PRKCA: variants seen among roughly 807,000 people sequenced by gnomAD.
PRKCA encodes protein kinase C alpha, also known as protein kinase C alpha type.
PRKCA carries 27 observed loss-of-function variants against 87.0 expected under a neutral mutation model. The ratio of observed to expected loss-of-function variants is 0.31; its 90% CI spans 0.23 to 0.43. The LOEUF is 0.43. Ranked by LOEUF, PRKCA falls within the 20% of genes least tolerant of loss-of-function variation. The probability of loss-of-function intolerance (pLI) is 1.00; values close to 1 mark genes in which losing one functional copy is unlikely to be tolerated. For synonymous variants in PRKCA, 329 were observed against 311.1 expected, an observed-to-expected ratio of 1.06 and a Z score of -0.61; for missense variants, 518 against 852.3, an observed-to-expected ratio of 0.61 and a Z score of 4.88.
At chr17:66,338,016 C>T (rs1268382655) in intron 2 of PRKCA, among the ~76,000 whole-genome samples, 1 of 150,656 alleles carries the variant, frequency 6.6e-6, no homozygotes, top group Non-Finnish European at 1.5e-5. Flanking sequence ...CCCTCCGCCC[C>T]CCTTAATTTC....
intron 2 of PRKCA, among the ~76,000 whole-genome samples, chr17:66,453,884 A>G (rs1390804359): frequency 6.6e-6 from 1 of 152,238 alleles, no homozygotes; most frequent in East Asian, 1.9e-4. Flanking sequence ...CAGATCCAAT[A>G]GCAGGAGCAT....
chr17:66,804,177 C>A lies in PRKCA; in HGVS notation c.*140C>A. The A allele has an allele frequency of 1.7e-6, 2 of 1,173,056 alleles. No homozygotes were observed. Among genetic ancestry groups the A allele is most frequent in the Non-Finnish European group, 2.3e-6 (2 of 859,536 alleles). The allele number at this position is 1,173,056 out of a possible 1,614,324, so 72.7% of individuals were successfully genotyped here. ...GCCTGAAAATTGTAGGGTTATTAGT[C>A]CAAATGTGATCAACTGTTCAGGGTC... On this transcript the variant is annotated 3_prime_UTR_variant, in exon 17 of 17. Coordinates refer to ENST00000413366, the MANE Select transcript of PRKCA (RefSeq NM_002737.3).
At chr17:66,605,403 C>T (rs548959636) in intron 3 of PRKCA, among the ~76,000 whole-genome samples, 1 of 152,236 alleles carries the variant, frequency 6.6e-6, no homozygotes, top group East Asian at 1.9e-4. Context: ...TTATCAAAAT[C>T]ACAATGACAT....
intron 3 of PRKCA, among the ~76,000 whole-genome samples, chr17:66,581,025 C>T (rs1234462501): frequency 2.6e-5 from 4 of 152,046 alleles, no homozygotes; most frequent in African/African-American, 9.7e-5. Context: ...GGAAGGTTAC[C>T]CATCCGGGGT....
intron 3 of PRKCA, among the ~76,000 whole-genome samples, chr17:66,571,955 T>C (rs1476609244): frequency 6.6e-6 from 1 of 152,200 alleles, no homozygotes; most frequent in Admixed American, 6.5e-5. Flanking sequence ...TGACATTCCA[T>C]CCAGTGTGCC....
At chr17:66,612,076 TAA>T (rs35346924) in intron 3 of PRKCA, among the ~76,000 whole-genome samples, 56,808 of 145,888 alleles carry the variant, frequency 0.39, 10,909 homozygotes, top group East Asian at 0.6. Context: ...ACTTTGTGAG[TAA>T]AAAAAAAAAA....
chr17:66,703,240 A>G, intron 8 of PRKCA: 1 of 152,226 alleles, frequency 6.6e-6, no homozygotes, highest in Admixed American at 6.5e-5. Flanking sequence ...TAGCTGTACA[A>G]AAATATTTTT....
chr17:66,532,957 T>C (rs533177473), intron 3 of PRKCA, among the ~76,000 whole-genome samples: 1 of 152,298 alleles, frequency 6.6e-6, no homozygotes, highest in East Asian at 1.9e-4. Flanking sequence ...AACAGACACG[T>C]TTGCTTCCCT....
intron 2 of PRKCA, among the ~76,000 whole-genome samples, chr17:66,360,595 G>C (rs1375776383): frequency 6.6e-6 from 1 of 152,178 alleles, no homozygotes; most frequent in Non-Finnish European, 1.5e-5. Context: ...GCTGGGAACA[G>C]GGATACTAAT....
At chr17:66,699,509 T>C (rs1447587856) in intron 8 of PRKCA, among the ~76,000 whole-genome samples, 1 of 152,188 alleles carries the variant, frequency 6.6e-6, no homozygotes, top group Non-Finnish European at 1.5e-5. Context: ...AGGCCAATAA[T>C]GAGTAAGGAG....
At chr17:66,323,759 G>A (rs777719640) in intron 2 of PRKCA, among the ~76,000 whole-genome samples, 12 of 152,122 alleles carry the variant, frequency 7.9e-5, no homozygotes, top group South Asian at 4.1e-4. Context: ...GGCCAACATG[G>A]TGAAACCCCA....
In PRKCA at chr17:66,431,285, A is replaced by G. The variant is rs569992998; in HGVS notation, c.206-64916A>G. ...ACGTGCTTTATGTTGCGCAATATTC[A>G]TATTTATTAGGGCTATTTAATAGCG... is the stretch of plus-strand genomic sequence containing the variant. On this transcript the variant is annotated intron_variant, in intron 2 of 16. Transcript: ENST00000413366. Among the ~76,000 whole-genome samples, 5 of 152,292 alleles carry G rather than the reference A, an allele frequency of 3.3e-5. No homozygotes were observed. In the East Asian group the frequency reaches 9.6e-4, roughly 29 times the overall value.
chr17:66,306,060 A>G (rs1483331051), intron 1 of PRKCA, 36 bp from the exon 2 acceptor site: 3 of 1,604,754 alleles, frequency 1.9e-6, no homozygotes, highest in African/African-American at 2.7e-5. Context: ...AACAGAAAAT[A>G]TGTTAAGATA....
intron 2 of PRKCA, among the ~76,000 whole-genome samples, chr17:66,322,636 ATTG>A (rs1473227190): frequency 8.2e-6 from 1 of 122,218 alleles, no homozygotes; most frequent in Admixed American, 7.8e-5. Flanking sequence ...CTAATTTTTA[ATTG>A]TTTTTTTTTT....
At chr17:66,577,160 G>A (rs182831660) in intron 3 of PRKCA, among the ~76,000 whole-genome samples, 92 of 152,244 alleles carry the variant, frequency 6.0e-4, no homozygotes, top group Non-Finnish European at 1.1e-3. Flanking sequence ...ATGAGCCACC[G>A]TGCCTGGCCC....
At chr17:66,612,133 C>T (rs1249135100) in intron 3 of PRKCA, among the ~76,000 whole-genome samples, 1 of 151,412 alleles carries the variant, frequency 6.6e-6, no homozygotes, top group Non-Finnish European at 1.5e-5. Flanking sequence ...GTAATCCCAG[C>T]ACTTTGAGAG....
At chr17:66,765,454 A>ATATATG (rs1218360664) in intron 13 of PRKCA, among the ~76,000 whole-genome samples, 1 of 130,090 alleles carries the variant, frequency 7.7e-6, no homozygotes, top group Non-Finnish European at 1.6e-5. Context: ...ATATATATAT[A>ATATATG]TCCATATATA....
In PRKCA at chr17:66,687,129, T is replaced by G. The variant is rs778898336; in HGVS notation, c.548T>G (p.Leu183Arg). ...LHVTVRDAKN[L>R]IPMDPNGLSD... Reference sequence around the variant, plus strand: ...TTCACAGTACGAGATGCAAAAAATCTAATCCCTATGGATCCAAACGGGCTT... The same window carrying G: ...TTCACAGTACGAGATGCAAAAAATCGAATCCCTATGGATCCAAACGGGCTT... Residue 183 changes from leucine to arginine, a missense_variant, in exon 6 of 17, where the codon CTA becomes CGA. Around this residue, in one of 5 missense-constraint regions of PRKCA, gnomAD observed 300 missense variants for 496.8 expected, o/e 0.60. Coordinates refer to ENST00000413366, the MANE Select transcript of PRKCA (RefSeq NM_002737.3). 1 of 1,612,660 alleles carries G rather than the reference T, an allele frequency of 6.2e-7. No individual in the cohort carries two copies. The highest frequency in any genetic ancestry group is 8.5e-7 in the Non-Finnish European group (1 of 1,178,846).
At chr17:66,754,787 G>C (rs1446013914) in intron 13 of PRKCA, among the ~76,000 whole-genome samples, 1 of 152,154 alleles carries the variant, frequency 6.6e-6, no homozygotes, top group East Asian at 1.9e-4. Context: ...CCACATACTG[G>C]AGTGGAATCT....
Sources: gnomAD v4.1 joint callset for allele counts (sites outside exome capture counted in the v4.1 genomes callset) on GRCh38, gnomAD v4.1.1 for gene constraint, gnomAD v4.1.1 regional missense constraint, MANE v1.5 for transcripts, NCBI Gene and HGNC (gene_info 2026-07-23, HGNC 2026-07-21) for gene names.